RAI2: variants seen among roughly 807,000 people sequenced by gnomAD.
The protein encoded by RAI2 is retinoic acid induced 2.
Under a neutral mutation model 15.3 loss-of-function variants are expected in RAI2, and 5 were observed. The ratio of observed to expected loss-of-function variants is 0.33; its 90% CI spans 0.17 to 0.69. The LOEUF (loss-of-function observed/expected upper bound fraction) is 0.69. Ranked by LOEUF, RAI2 falls within the 30% of genes least tolerant of loss-of-function variation. The pLI is 0.69. For missense variants in RAI2, 424 were observed against 424.7 expected (o/e 1.00, Z 0.01); for synonymous variants, 191 against 184.0 (o/e 1.04, Z -0.31).
Position 17,855,597 on chromosome X carries a change from G to A in RAI2, c.-25+5501C>T, listed in dbSNP as rs754111592. ...AAATCGCTTGATGCCAGGCTGCTGT[G>A]GCTACTGACTCAGCCCCCTGCCTCC... On this transcript the variant is annotated intron_variant, in intron 1 of 1. Coordinates refer to ENST00000451717, the MANE Select transcript of RAI2 (RefSeq NM_021785.6). Among the ~76,000 whole-genome samples, 10 of 111,605 alleles carry A rather than the reference G, an allele frequency of 9.0e-5. No individual in the cohort carries two copies. The South Asian group carries it at 3.8e-3, about 43-fold the overall frequency.
At chrX:17,843,124 C>A (rs1469867472) in intron 1 of RAI2, among the ~76,000 whole-genome samples, 1 of 111,560 alleles carries the variant, frequency 9.0e-6, no homozygotes, top group Non-Finnish European at 1.9e-5. Flanking sequence ...AAGACAGGTT[C>A]ATCTTTTTTT....
At chrX:17,855,877 T>A (rs929356354) in intron 1 of RAI2, among the ~76,000 whole-genome samples, 1 of 112,575 alleles carries the variant, frequency 8.9e-6, no homozygotes, top group Non-Finnish European at 1.9e-5. Flanking sequence ...CTATTTTGGA[T>A]TCTTTTTTTG....
intron 1 of RAI2, among the ~76,000 whole-genome samples, chrX:17,805,949 C>T (rs183624477): frequency 8.9e-6 from 1 of 111,865 alleles, no homozygotes; most frequent in Non-Finnish European, 1.9e-5. Context: ...CGGTCTTTCT[C>T]ACTACATCTC....
At chrX:17,828,988 T>C (rs1013712779) in intron 1 of RAI2, among the ~76,000 whole-genome samples, 1 of 111,724 alleles carries the variant, frequency 9.0e-6, no homozygotes. Context: ...TTCACCCTTT[T>C]ATTCACTTAT....
At chrX:17,825,337 A>G (rs939850377) in intron 1 of RAI2, among the ~76,000 whole-genome samples, 1 of 112,783 alleles carries the variant, frequency 8.9e-6, no homozygotes, top group African/African-American at 3.2e-5. Context: ...TTAAGGATTT[A>G]TTCTGAGGGA....
At chrX:17,831,621 C>T (rs2030056801) in intron 1 of RAI2, among the ~76,000 whole-genome samples, 1 of 112,279 alleles carries the variant, frequency 8.9e-6, no homozygotes, top group Admixed American at 9.4e-5. Flanking sequence ...GCATGCTTGT[C>T]ACTCTGAATT....
At chrX:17,804,982 G>A (rs1305175753) in intron 1 of RAI2, among the ~76,000 whole-genome samples, 2 of 113,152 alleles carry the variant, frequency 1.8e-5, no homozygotes, top group Non-Finnish European at 3.7e-5. Flanking sequence ...TGGATGGCAA[G>A]AGCTACAACT....
chrX:17,842,708 G>A (rs931486643), intron 1 of RAI2, among the ~76,000 whole-genome samples: 4 of 109,572 alleles, frequency 3.7e-5, no homozygotes, highest in Non-Finnish European at 7.6e-5. Context: ...GGTGATAGTG[G>A]CAATCTCTGG....
chrX:17,823,980 C>T (rs1174895405), intron 1 of RAI2, among the ~76,000 whole-genome samples: 2 of 112,041 alleles, frequency 1.8e-5, no homozygotes, highest in Non-Finnish European at 3.8e-5. Context: ...CACCAAGCCC[C>T]ACCCAGGGCA....
chrX:17,823,757 G>C (rs2067196285), intron 1 of RAI2, among the ~76,000 whole-genome samples: 2 of 111,924 alleles, frequency 1.8e-5, no homozygotes, highest in African/African-American at 6.5e-5. Context: ...CACACCCAAG[G>C]CCAGTGAAAT....
intron 1 of RAI2, among the ~76,000 whole-genome samples, chrX:17,852,727 C>A (rs2067551020): frequency 8.9e-6 from 1 of 112,154 alleles, no homozygotes; most frequent in African/African-American, 3.2e-5. Context: ...CTGTTGCTGC[C>A]TGTAGGCATT....
chrX:17,810,942 T>G (rs969918312), intron 1 of RAI2, among the ~76,000 whole-genome samples: 12 of 112,615 alleles, frequency 1.1e-4, no homozygotes, highest in Non-Finnish European at 2.3e-4. Flanking sequence ...CCATCTCTCT[T>G]GGCTCCATTC....
intron 1 of RAI2, among the ~76,000 whole-genome samples, chrX:17,817,656 A>G (rs2067121967): frequency 8.9e-6 from 1 of 112,393 alleles, no homozygotes; most frequent in Non-Finnish European, 1.9e-5. Flanking sequence ...GAGAAGCAGC[A>G]GGTCCCTGGC....
intron 1 of RAI2, among the ~76,000 whole-genome samples, chrX:17,830,318 T>C (rs1979161000): frequency 8.9e-6 from 1 of 112,289 alleles, no homozygotes; most frequent in Admixed American, 9.4e-5. Flanking sequence ...AAATATTCTC[T>C]GAACAACTGT....
At chrX:17,852,908 T>G (rs918101632) in intron 1 of RAI2, among the ~76,000 whole-genome samples, 1 of 110,517 alleles carries the variant, frequency 9.0e-6, no homozygotes, top group Non-Finnish European at 1.9e-5. Context: ...CTGGAAAACA[T>G]GGAATTTAGT....
intron 1 of RAI2, chrX:17,860,470 G>T (rs1424980752): frequency 8.9e-6 from 1 of 112,657 alleles, no homozygotes; most frequent in Non-Finnish European, 1.9e-5. Flanking sequence ...CTGGGCATTG[G>T]GGGGCACCGG....
intron 1 of RAI2, among the ~76,000 whole-genome samples, chrX:17,832,232 G>A (rs2067289524): frequency 8.9e-6 from 1 of 112,148 alleles, no homozygotes; most frequent in African/African-American, 3.2e-5. Flanking sequence ...GGTTTGCCCA[G>A]GACTGAGGGG....
intron 1 of RAI2, among the ~76,000 whole-genome samples, chrX:17,835,328 A>G (rs2067322722): frequency 8.9e-6 from 1 of 112,441 alleles, no homozygotes; most frequent in East Asian, 2.8e-4. Context: ...GGAAAGGTTA[A>G]TAGAATGTAA....
At position 17,800,835 on chromosome X, in the gene RAI2, A is replaced by C. The variant is rs770078125; in HGVS notation, c.1176T>G (p.His392Gln). 12 of 1,209,629 alleles carry C rather than the reference A, an allele frequency of 9.9e-6. No homozygotes were observed. Residue 392 changes from histidine (H) to glutamine (Q), a missense_variant, in exon 2 of 2, where the codon CAT (histidine) becomes CAG (glutamine). His to Gln is a conservative substitution (Grantham distance 24). Transcript: ENST00000451717. Reference protein sequence around the residue: ...MEISFAPATSHEAPAMMDSHI... With the variant: ...MEISFAPATSQEAPAMMDSHI... ...GACTATCCATCATGGCTGGGGCCTC[A>C]TGGGACGTGGCAGGGGCAAAAGAAA...
Sources: gnomAD v4.1 joint callset for allele counts (sites outside exome capture counted in the v4.1 genomes callset) on GRCh38, gnomAD v4.1.1 for gene constraint, MANE v1.5 for transcripts, NCBI Gene and HGNC (gene_info 2026-07-23, HGNC 2026-07-21) for gene names.